Variants in MST1 observed in about 807,000 individuals in gnomAD.
The protein encoded by MST1 is hepatocyte growth factor-like protein.
In MST1, 76 loss-of-function variants were observed where a neutral mutation model predicts 100.1. That is an observed-to-expected ratio of 0.76 (90% CI 0.63 to 0.92). The LOEUF (loss-of-function observed/expected upper bound fraction) is 0.92. Among genes scored for constraint, MST1 ranks in the 40% least tolerant of loss-of-function variants. MST1 has a pLI of 0.00. For synonymous variants in MST1, 352 were observed against 385.4 expected, an observed-to-expected ratio of 0.91 and a Z score of 1.01; for missense variants, 850 against 990.0, an observed-to-expected ratio of 0.86 and a Z score of 1.90.
chr3:49,687,498 G>A lies in MST1; in HGVS notation c.356-20C>T, dbSNP rs2053875831. On this transcript the variant is annotated intron_variant, in intron 3 of 17. Coordinates refer to ENST00000449682, the MANE Select transcript of MST1 (RefSeq NM_020998.4). ...CGTAGTCTGGGAGCAAGAGACAGAA[G>A]ATCAACTTGGGCTGAGGTCCCCTGT... 9.9e-6 allele frequency: 16 copies of A among 1,613,462 alleles called. No individual in the cohort carries two copies. Among genetic ancestry groups the A allele is most frequent in the Non-Finnish European group, 1.4e-5 (16 of 1,179,856 alleles).
At chr3:49,687,107 G>C (rs765015304) in intron 5 of MST1, 40 bp from the exon 6 acceptor site, 2 of 1,612,822 alleles carry the variant, frequency 1.2e-6, no homozygotes, top group South Asian at 2.2e-5. Context: ...ATGGACGTGG[G>C]CTTGTCCCTC....
In MST1 at chr3:49,687,479, C is replaced by T. The variant is rs1559658102; in HGVS notation, c.356-1G>A. On this transcript the variant is annotated splice_acceptor_variant, in intron 3 of 17. Coordinates refer to ENST00000449682, the MANE Select transcript of MST1 (RefSeq NM_020998.4). LOFTEE classifies it high-confidence loss of function. ...TTCATGATGCAGGTCCGTACGTAGT[C>T]TGGGAGCAAGAGACAGAAGATCAAC... 1 of 1,613,484 alleles carries T rather than the reference C, an allele frequency of 6.2e-7. No individual in the cohort carries two copies. The highest frequency in any genetic ancestry group is 8.5e-7 in the Non-Finnish European group (1 of 1,179,876).
Position 49,685,634 on chromosome 3 carries a change from G to C in MST1, c.1349C>G (p.Pro450Arg). ...SHGPWCYTMD[P>R]RTPFDYCALR... ...GGCACAGTAGTCGAATGGGGTCCTT[G>C]GGTCCATCGTGTAGCACCAGGGCCC... Residue 450 changes from proline to arginine, a missense_variant, in exon 11 of 18, where the codon CCA becomes CGA. Pro to Arg is a moderately radical substitution (Grantham distance 103, BLOSUM62 -2). Around this residue, in one of 2 missense-constraint regions of MST1, gnomAD observed 816 missense variants for 924.6 expected, o/e 0.88. Coordinates refer to ENST00000449682, the MANE Select transcript of MST1 (RefSeq NM_020998.4). 6.2e-7 allele frequency: 1 copy of C among 1,613,430 alleles called. No individual in the cohort carries two copies. Among genetic ancestry groups the C allele is most frequent in the Non-Finnish European group, 8.5e-7 (1 of 1,179,856 alleles).
chr3:49,684,567 C>G lies in MST1; in HGVS notation c.1859G>C (p.Gly620Ala). The G allele has an allele frequency of 6.2e-7, 1 of 1,613,820 alleles. No individual in the cohort carries two copies. The highest frequency in any genetic ancestry group is 1.7e-4 in the Middle Eastern group (1 of 6,056). ...GCTCTTACCTTTGGTCTCACCCCAG[C>G]CTGCAATCTCACACTTGGTCCCTGG... ...VPPGTKCEIA[G>A]WGETKGTGND... The change falls in exon 16 of 18, where the codon GGC (glycine) becomes GCC (alanine). Residue 620 changes from glycine (G) to alanine (A), a missense_variant. By Grantham distance (60) the Gly-to-Ala change is moderately conservative. Around this residue, in one of 2 missense-constraint regions of MST1, gnomAD observed 816 missense variants for 924.6 expected, o/e 0.88. Transcript: ENST00000449682.
At position 49,686,431 on chromosome 3, in the gene MST1, C is replaced by G. The variant is rs756280399; in HGVS notation, c.898G>C (p.Gly300Arg). 1 of 1,612,670 alleles carries G rather than the reference C, an allele frequency of 6.2e-7. No individual in the cohort carries two copies. Among genetic ancestry groups the G allele is most frequent in the South Asian group, 1.1e-5 (1 of 91,044 alleles). The change falls in exon 8 of 18, where the codon GGG becomes CGG. Residue 300 changes from glycine (G) to arginine (R), a missense_variant. Gly to Arg is a moderately radical substitution (Grantham distance 125). This residue lies in a region of MST1 where 816 missense variants were observed against 924.6 expected (regional missense o/e 0.88). Transcript: ENST00000449682. ...QEATTVSCFR[G>R]KGEGYRGTAN... ...GTGCCCCGGTAGCCCTCACCCTTCCCGCGGAAGCAGCTGACAGTTGTGGCC... is the reference window on the plus strand; with the variant it reads ...GTGCCCCGGTAGCCCTCACCCTTCCGGCGGAAGCAGCTGACAGTTGTGGCC...
chr3:49,683,976 T>C lies in MST1; in HGVS notation c.*52A>G, dbSNP rs1233477993. ...GGCATAAAGAGGAAACATGGCTTTA[T>C]GTCTGACAAGAAGTTTTGTCCTCCC... On this transcript the variant is annotated 3_prime_UTR_variant, in exon 18 of 18. Transcript: ENST00000449682. 31 of 1,589,526 alleles carry C rather than the reference T, an allele frequency of 2.0e-5. No homozygotes were observed. The highest frequency in any genetic ancestry group is 2.4e-5 in the Non-Finnish European group (28 of 1,168,694).
chr3:49,684,157 G>C lies in MST1; in HGVS notation c.2049C>G (p.Thr683=), dbSNP rs747672146. ...GDYGGPLACF[T]HNCWVLEGII... ...TTCCTTCCAGGACCCAGCAGTTGTG[G>C]GTAAAGCAGGCAAGTGGGCCCCCGT... Residue 683 remains threonine, a synonymous_variant, in exon 18 of 18, where the codon ACC becomes ACG. Coordinates refer to ENST00000449682, the MANE Select transcript of MST1 (RefSeq NM_020998.4). 1.2e-6 allele frequency: 2 copies of C among 1,613,272 alleles called. No individual in the cohort carries two copies. Among genetic ancestry groups the C allele is most frequent in the Non-Finnish European group, 1.7e-6 (2 of 1,179,790 alleles).
At chr3:49,686,243 C>T in intron 8 of MST1, 51 bp from the exon 9 acceptor site, 1 of 1,608,648 alleles carries the variant, frequency 6.2e-7, no homozygotes, top group Non-Finnish European at 8.5e-7. Flanking sequence ...AGCCTTGAGC[C>T]CGTGACTACC....
Position 49,687,738 on chromosome 3 carries a change from G to T in MST1, c.242+12C>A, listed in dbSNP as rs186715278. 1.4e-5 allele frequency: 23 copies of T among 1,613,544 alleles called. No homozygotes were observed. The African/African-American group carries it at 2.5e-4, about 18-fold the overall frequency. ...CTGCCCCCAGTCTTATCTAGGCCCAGTGGCCACTCACCGGCAGTCCATTAA... is the reference window on the plus strand; with the variant it reads ...CTGCCCCCAGTCTTATCTAGGCCCATTGGCCACTCACCGGCAGTCCATTAA... On this transcript the variant is annotated intron_variant, in intron 2 of 17. Transcript: ENST00000449682.
rs2053477974 is a variant in MST1 at position 49,684,056 on chromosome 3, C to T, written c.2150G>A (p.Trp717Ter). The change falls in exon 18 of 18, where the codon TGG becomes TAG. Residue 717 changes from tryptophan to a stop codon, truncating the protein, a stop_gained. Transcript: ENST00000449682. LOFTEE classifies it high-confidence loss of function. The part of the protein sequence containing the change: ...VFTRVSVFVD[W>*]IHKVMRLG ...ACCCAGTCTCATGACCTTGTGAATC[C>T]AGTCCACAAACACAGAGACACGCGT... 6.2e-7 allele frequency: 1 copy of T among 1,613,524 alleles called. No homozygotes were observed. The highest frequency in any genetic ancestry group is 1.1e-5 in the South Asian group (1 of 91,082).
chr3:49,688,325 G>C (rs1201567637), intron 1 of MST1: 2 of 506,798 alleles, frequency 3.9e-6, no homozygotes, highest in African/African-American at 3.9e-5. Context: ...GGTTAGAGGG[G>C]TAGATCAGGC....
chr3:49,684,674 G>A lies in MST1; in HGVS notation c.1770-18C>T, dbSNP rs780955149. On this transcript the variant is annotated intron_variant, in intron 15 of 17. Transcript: ENST00000449682. ...TCACAGATCTTTAGCAAGAATGGGG[G>A]CACTCAGGGTCTGAGGCCACAAGGC... 2 of 1,613,368 alleles carry A rather than the reference G, an allele frequency of 1.2e-6. No homozygotes were observed. Among genetic ancestry groups the A allele is most frequent in the African/African-American group, 1.3e-5 (1 of 75,048 alleles).
Position 49,684,889 on chromosome 3 carries a change from G to A in MST1, c.1623-5C>T. On this transcript the variant is annotated splice_region_variant and splice_polypyrimidine_tract_variant and intron_variant, in intron 14 of 17. Transcript: ENST00000449682. The stretch of plus-strand genomic sequence containing the variant: ...TAGCCCGTGAGAGGCATATGGCTGG[G>A]AGAGAAGCTCTGCTAGGTCATTTGT... 6.2e-7 allele frequency: 1 copy of A among 1,613,578 alleles called. No individual in the cohort carries two copies. Among genetic ancestry groups the A allele is most frequent in the Non-Finnish European group, 8.5e-7 (1 of 1,179,764 alleles).
rs541743589 is a variant in MST1, at chr3:49,686,215, C to T, written c.1017-23G>A. On this transcript the variant is annotated intron_variant, in intron 8 of 17. Transcript: ENST00000449682. The stretch of plus-strand genomic sequence containing the variant: ...TCTCTAAGCAGGCGCTCCACTCAGC[C>T]CTAGCCCGCCAGCCTCCAGCCTTGA... The T allele has an allele frequency of 3.4e-5, 55 of 1,610,582 alleles. 1 individual carries two copies. The highest frequency in any genetic ancestry group is 1.7e-5 in the Admixed American group (1 of 59,904).
chr3:49,686,143 A>G lies in MST1; in HGVS notation c.1066T>C (p.Trp356Arg). The G allele has an allele frequency of 6.2e-7, 1 of 1,611,318 alleles. No homozygotes were observed. Among genetic ancestry groups the G allele is most frequent in the Non-Finnish European group, 8.5e-7 (1 of 1,179,512 alleles). ...ATGCCGGGCCGCAGTGTGAAGCACC[A>G]GGGCGCCTCTGAGCCGTCGGGGTTC... Reference protein sequence around the residue: ...CRNPDGSEAPWCFTLRPGMRA... With the variant: ...CRNPDGSEAPRCFTLRPGMRA... The change falls in exon 9 of 18, where the codon TGG (tryptophan) becomes CGG (arginine). Residue 356 changes from tryptophan (W) to arginine (R), a missense_variant. Physicochemically the swap from Trp to Arg is moderately radical, Grantham distance 101. This residue lies in a region of MST1 where 816 missense variants were observed against 924.6 expected (regional missense o/e 0.88). Transcript: ENST00000449682.
chr3:49,687,983 G>C, intron 1 of MST1, 86 bp from the exon 2 acceptor site: 1 of 1,446,824 alleles, frequency 6.9e-7, no homozygotes, highest in Non-Finnish European at 9.2e-7. Context: ...TGTTCATTCA[G>C]GGGATCAAAG....
In MST1 at chr3:49,685,726, C is replaced by T. The variant is rs200822737; in HGVS notation, c.1257G>A (p.Thr419=). 8.1e-6 allele frequency: 13 copies of T among 1,613,098 alleles called. No individual in the cohort carries two copies. The South Asian group carries it at 1.1e-4, about 14-fold the overall frequency. ...GTTGTGCATGCGGTTCGGAGGTAAACGTGAACCTAGGCGGAAGCGGGAGCA... is the reference window on the plus strand; with the variant it reads ...GTTGTGCATGCGGTTCGGAGGTAAATGTGAACCTAGGCGGAAGCGGGAGCA... ...SAETPHKPQF[T]FTSEPHAQLE... is the part of the protein sequence containing the mutation. Residue 419 remains threonine (T), a synonymous_variant, in exon 11 of 18, where the codon ACG becomes ACA. Transcript: ENST00000449682.
At chr3:49,686,289 G>GCTCCCCCCCCCCCCCCCCCCCC in intron 8 of MST1, 24 bp downstream of exon 8, 1 of 1,235,666 alleles carries the variant, frequency 8.1e-7, no homozygotes. Context: ...ACGTCCCAAC[G>GCTCCCCCCCCCCCCCCCCCCCC]CCCGCCCCCC....
Position 49,684,338 on chromosome 3 carries a change from C to G in MST1, c.1992G>C (p.Leu664=). Residue 664 remains leucine, a synonymous_variant, in exon 17 of 18, where the codon CTG becomes CTC. Transcript: ENST00000449682. The part of the protein sequence containing the change: ...VRESEMCTEG[L]LAPVGACEGD... ...CCTCACAGGCCCCCACAGGGGCCAA[C>G]AGTCCCTCAGTGCACATCTCACTCT... 1.9e-6 allele frequency: 3 copies of G among 1,613,208 alleles called. No individual in the cohort carries two copies. Among genetic ancestry groups the G allele is most frequent in the Non-Finnish European group, 2.5e-6 (3 of 1,179,868 alleles).
Sources: allele counts gnomAD v4.1 joint callset, GRCh38; gene constraint gnomAD v4.1.1; regional missense constraint gnomAD v4.1.1; transcripts MANE v1.5; gene names NCBI Gene and HGNC (gene_info 2026-07-23, HGNC 2026-07-21).